RBMS3: variants seen among roughly 807,000 people sequenced by gnomAD.
The protein encoded by RBMS3 is RNA binding motif single stranded interacting protein 3.
In RBMS3, 27 loss-of-function variants were observed where a neutral mutation model predicts 66.8. That is an observed-to-expected ratio of 0.40 (90% CI 0.30 to 0.56). The LOEUF is 0.56. Ranked by LOEUF, RBMS3 falls within the 20% of genes least tolerant of loss-of-function variation. The pLI is 0.40. For synonymous variants in RBMS3, 188 were observed against 183.0 expected (o/e 1.03, Z -0.22); for missense variants, 513 against 549.5 (o/e 0.93, Z 0.66).
intron 1 of RBMS3, among the ~76,000 whole-genome samples, chr3:29,384,626 G>A (rs1278411149): frequency 6.6e-6 from 1 of 152,180 alleles, no homozygotes; most frequent in African/African-American, 2.4e-5. Context: ...TACCGATAAT[G>A]ATAATTTGAT....
intron 4 of RBMS3, among the ~76,000 whole-genome samples, chr3:29,722,523 C>G (rs2053684065): frequency 6.6e-6 from 1 of 151,980 alleles, no homozygotes; most frequent in Admixed American, 6.6e-5. Context: ...TTGCATTATT[C>G]CATAAATGTC....
intron 6 of RBMS3, among the ~76,000 whole-genome samples, chr3:29,844,329 C>G (rs528739801): frequency 6.6e-6 from 1 of 152,164 alleles, no homozygotes; most frequent in Non-Finnish European, 1.5e-5. Context: ...AAATGAAGAG[C>G]AGTGGAGAGT....
chr3:29,353,987 C>T (rs1016770540), intron 1 of RBMS3, among the ~76,000 whole-genome samples: 4 of 152,216 alleles, frequency 2.6e-5, no homozygotes, highest in Admixed American at 1.3e-4. Flanking sequence ...GATCTGGAAA[C>T]TTTGCCAGTA....
chr3:29,926,780 C>T (rs1289807122), intron 10 of RBMS3: 1 of 152,164 alleles, frequency 6.6e-6, no homozygotes, highest in Non-Finnish European at 1.5e-5. Flanking sequence ...GGCCTGAGTA[C>T]TGCATCCGAT....
chr3:29,500,093 A>C (rs1003783919), intron 3 of RBMS3, among the ~76,000 whole-genome samples: 2 of 151,662 alleles, frequency 1.3e-5, no homozygotes, highest in African/African-American at 4.8e-5. Flanking sequence ...AAAAAGAAGA[A>C]TTACATAAGG....
intron 4 of RBMS3, among the ~76,000 whole-genome samples, chr3:29,671,479 T>C (rs565886731): frequency 6.6e-6 from 1 of 152,276 alleles, no homozygotes; most frequent in South Asian, 2.1e-4. Flanking sequence ...AATAACAAAC[T>C]TCTCCAATCT....
At chr3:29,329,809 A>G (rs1361110684) in intron 1 of RBMS3, among the ~76,000 whole-genome samples, 1 of 148,296 alleles carries the variant, frequency 6.7e-6, no homozygotes, top group Non-Finnish European at 1.5e-5. Flanking sequence ...TATAGATTAT[A>G]TATATTATAT....
intron 1 of RBMS3, among the ~76,000 whole-genome samples, chr3:29,354,841 C>T (rs1433067258): frequency 6.6e-6 from 1 of 152,136 alleles, no homozygotes; most frequent in African/African-American, 2.4e-5. Flanking sequence ...CTCTGTCTCT[C>T]TGTTACTTAT....
intron 6 of RBMS3, among the ~76,000 whole-genome samples, chr3:29,840,189 C>T (rs900041382): frequency 3.9e-5 from 6 of 151,914 alleles, no homozygotes; most frequent in African/African-American, 1.4e-4. Context: ...CTCAGGTCTC[C>T]TTTACACTCT....
At chr3:29,366,256 G>A (rs1450395493) in intron 1 of RBMS3, among the ~76,000 whole-genome samples, 1 of 152,156 alleles carries the variant, frequency 6.6e-6, no homozygotes, top group African/African-American at 2.4e-5. Context: ...TTTGTTAAGT[G>A]ATAGTTGTAT....
chr3:29,770,856 A>G (rs1365502148), intron 6 of RBMS3, among the ~76,000 whole-genome samples: 1 of 151,994 alleles, frequency 6.6e-6, no homozygotes, highest in African/African-American at 2.4e-5. Flanking sequence ...TTCTTAGTGC[A>G]TTTCAGAATC....
At chr3:29,477,022 T>A (rs1315363765) in intron 2 of RBMS3, among the ~76,000 whole-genome samples, 1 of 152,218 alleles carries the variant, frequency 6.6e-6, no homozygotes, top group African/African-American at 2.4e-5. Context: ...AAACTGCGTA[T>A]CTATTAAAAA....
intron 4 of RBMS3, among the ~76,000 whole-genome samples, chr3:29,725,102 G>C (rs2053802667): frequency 6.6e-6 from 1 of 152,210 alleles, no homozygotes; most frequent in African/African-American, 2.4e-5. Flanking sequence ...AGTTGGATTA[G>C]TGTTGTGACC....
chr3:29,474,327 A>G (rs1440162766), intron 2 of RBMS3, among the ~76,000 whole-genome samples: 1 of 152,194 alleles, frequency 6.6e-6, no homozygotes, highest in African/African-American at 2.4e-5. Context: ...TATCTGTTCT[A>G]TTATTAATAA....
intron 4 of RBMS3, among the ~76,000 whole-genome samples, chr3:29,682,005 T>A (rs1319348225): frequency 1.3e-5 from 2 of 152,180 alleles, no homozygotes; most frequent in African/African-American, 4.8e-5. Context: ...ATCTACAACC[T>A]CACCAGCATC....
chr3:29,715,119 T>G (rs2053336139), intron 4 of RBMS3, among the ~76,000 whole-genome samples: 1 of 152,170 alleles, frequency 6.6e-6, no homozygotes. Context: ...GAAGATATTT[T>G]CCAGAAGGTG....
At chr3:29,799,633 C>G (rs2057326191) in intron 6 of RBMS3, among the ~76,000 whole-genome samples, 1 of 152,168 alleles carries the variant, frequency 6.6e-6, no homozygotes, top group Admixed American at 6.5e-5. Flanking sequence ...CAGATAGGTA[C>G]ATCTGTTGCT....
chr3:29,971,881 G>A (rs1196623429), intron 12 of RBMS3, among the ~76,000 whole-genome samples: 2 of 151,492 alleles, frequency 1.3e-5, no homozygotes, highest in Non-Finnish European at 2.9e-5. Context: ...TGTTGTAGGT[G>A]GATTAAAAAA....
At chr3:29,505,672 G>C (rs1329425481) in intron 3 of RBMS3, among the ~76,000 whole-genome samples, 1 of 151,684 alleles carries the variant, frequency 6.6e-6, no homozygotes, top group African/African-American at 2.4e-5. Context: ...GCTTTGGGTA[G>C]TATGGGCATC....
Sources: allele counts gnomAD v4.1 joint callset (sites outside exome capture counted in the v4.1 genomes callset), GRCh38; gene constraint gnomAD v4.1.1; transcripts MANE v1.5; gene names NCBI Gene and HGNC (gene_info 2026-07-23, HGNC 2026-07-21).